RBMS1: variants seen among roughly 807,000 people sequenced by gnomAD.
The protein encoded by RBMS1 is RNA-binding motif, single-stranded-interacting protein 1.
In RBMS1, 17 loss-of-function variants were observed where a neutral mutation model predicts 62.3. The observed-to-expected ratio is 0.27, with a 90% CI of 0.19 to 0.41. RBMS1 has a LOEUF of 0.41. Ranked by LOEUF, RBMS1 falls within the 10% of genes least tolerant of loss-of-function variation. The pLI is 1.00. For synonymous variants in RBMS1, 172 were observed against 170.0 expected (o/e 1.01, Z -0.09); for missense variants, 334 against 504.5 (o/e 0.66, Z 3.24).
intron 1 of RBMS1, among the ~76,000 whole-genome samples, chr2:160,471,972 C>T (rs569910750): frequency 1.2e-4 from 18 of 151,888 alleles, no homozygotes; most frequent in Middle Eastern, 6.8e-3. Context: ...ATCTATTTAT[C>T]GGGCTGACAG....
chr2:160,310,873 C>T (rs933540290), intron 4 of RBMS1, among the ~76,000 whole-genome samples: 6 of 152,110 alleles, frequency 3.9e-5, no homozygotes, highest in African/African-American at 9.6e-5. Context: ...AATCTCTACG[C>T]GATGGACAAA....
chr2:160,364,497 CA>C (rs1693294823), intron 2 of RBMS1, among the ~76,000 whole-genome samples: 4 of 139,654 alleles, frequency 2.9e-5, no homozygotes, highest in Non-Finnish European at 6.4e-5. Context: ...TCCTACCCCA[CA>C]TGCCTCCTCC....
chr2:160,341,763 T>G (rs1211947671), intron 2 of RBMS1, among the ~76,000 whole-genome samples: 1 of 152,204 alleles, frequency 6.6e-6, no homozygotes, highest in Non-Finnish European at 1.5e-5. Flanking sequence ...ATTAAAATGT[T>G]CAAATAATTT....
chr2:160,452,359 TC>T (rs1262099587), intron 1 of RBMS1, among the ~76,000 whole-genome samples: 2 of 152,064 alleles, frequency 1.3e-5, no homozygotes, highest in Non-Finnish European at 2.9e-5. Context: ...GACACCAAAA[TC>T]CCCAGATGCT....
At chr2:160,390,344 C>T (rs532555745) in intron 1 of RBMS1, among the ~76,000 whole-genome samples, 13 of 152,158 alleles carry the variant, frequency 8.5e-5, no homozygotes, top group African/African-American at 3.1e-4. Flanking sequence ...AGTTCTGTGG[C>T]CAGTTGTGAT....
chr2:160,422,638 G>A (rs570800454), intron 1 of RBMS1, among the ~76,000 whole-genome samples: 2 of 73,046 alleles, frequency 2.7e-5, no homozygotes, highest in South Asian at 4.4e-4. Flanking sequence ...AGCTCCCCCC[G>A]CCCCACCACA....
intron 2 of RBMS1, among the ~76,000 whole-genome samples, chr2:160,350,160 C>T (rs1330806762): frequency 4.6e-5 from 7 of 151,596 alleles, no homozygotes; most frequent in Non-Finnish European, 8.8e-5. Context: ...TTGTAGCCAT[C>T]GTAAGACAGC....
intron 2 of RBMS1, among the ~76,000 whole-genome samples, chr2:160,359,677 T>C (rs529697536): frequency 1.1e-4 from 17 of 152,350 alleles, no homozygotes; most frequent in African/African-American, 3.4e-4. Context: ...AACTTCATAA[T>C]AGGGTAAAAG....
intron 1 of RBMS1, among the ~76,000 whole-genome samples, chr2:160,491,578 G>T (rs190910720): frequency 1.9e-3 from 282 of 152,288 alleles, no homozygotes; most frequent in African/African-American, 6.5e-3. Flanking sequence ...CTTACTAATG[G>T]TATATAAAAA....
intron 1 of RBMS1, among the ~76,000 whole-genome samples, chr2:160,402,516 T>C (rs1226924582): frequency 6.6e-6 from 1 of 152,214 alleles, no homozygotes; most frequent in Non-Finnish European, 1.5e-5. Context: ...TAAAAAATTA[T>C]TCACTGTTTA....
chr2:160,403,547 A>G (rs1179411710), intron 1 of RBMS1, among the ~76,000 whole-genome samples: 1 of 152,236 alleles, frequency 6.6e-6, no homozygotes, highest in Non-Finnish European at 1.5e-5. Flanking sequence ...TTAATCTTGA[A>G]GAAGGCAGTA....
chr2:160,440,073 A>AGGGGAG (rs1157383098), intron 1 of RBMS1, among the ~76,000 whole-genome samples: 1 of 31,828 alleles, frequency 3.1e-5, no homozygotes, highest in Non-Finnish European at 5.6e-5. Context: ...GACCGTGGAG[A>AGGGGAG]GGGGAGAGGG....
chr2:160,311,154 C>T (rs566905458), intron 4 of RBMS1, among the ~76,000 whole-genome samples: 1 of 147,638 alleles, frequency 6.8e-6, no homozygotes, highest in Non-Finnish European at 1.5e-5. Context: ...AAGATTGTGC[C>T]ACTGCACTCC....
chr2:160,306,769 T>G (rs1181359865), intron 4 of RBMS1, among the ~76,000 whole-genome samples: 2 of 152,098 alleles, frequency 1.3e-5, no homozygotes, highest in East Asian at 3.9e-4. Flanking sequence ...AGTTGTTGTC[T>G]ATGCATTCTT....
At chr2:160,401,509 T>C (rs913624231) in intron 1 of RBMS1, among the ~76,000 whole-genome samples, 1 of 152,206 alleles carries the variant, frequency 6.6e-6, no homozygotes, top group Non-Finnish European at 1.5e-5. Flanking sequence ...ACCAAGATTT[T>C]AGAATGTGTT....
chr2:160,428,205 A>G (rs1442204728), intron 1 of RBMS1, among the ~76,000 whole-genome samples: 20 of 152,108 alleles, frequency 1.3e-4, no homozygotes, highest in Non-Finnish European at 2.9e-5. Context: ...TCTCTAATAC[A>G]ACTTGGTTTT....
chr2:160,281,825 C>G (rs1167899275), intron 9 of RBMS1: 1 of 169,366 alleles, frequency 5.9e-6, no homozygotes, highest in African/African-American at 2.4e-5. Context: ...TACAAAAAAC[C>G]AAATTCAATT....
chr2:160,490,265 T>C (rs1467504069), intron 1 of RBMS1, among the ~76,000 whole-genome samples: 1 of 149,304 alleles, frequency 6.7e-6, no homozygotes, highest in East Asian at 2.0e-4. Flanking sequence ...TGTCAGCTGA[T>C]AAAAAGAACC....
intron 1 of RBMS1, among the ~76,000 whole-genome samples, chr2:160,425,591 A>G (rs1216496582): frequency 6.6e-6 from 1 of 152,204 alleles, no homozygotes; most frequent in African/African-American, 2.4e-5. Context: ...AGTGAATCAC[A>G]GGACAGTGAG....
Sources: allele counts gnomAD v4.1 joint callset (sites outside exome capture counted in the v4.1 genomes callset), GRCh38; gene constraint gnomAD v4.1.1; transcripts MANE v1.5; gene names NCBI Gene and HGNC (gene_info 2026-07-23, HGNC 2026-07-21).